Variants in SLC27A2 observed in about 807,000 individuals in gnomAD.
SLC27A2 encodes the protein solute carrier family 27 member 2.
In SLC27A2, 54 loss-of-function variants were observed where a neutral mutation model predicts 60.0. That is an observed-to-expected ratio of 0.90 (90% CI 0.72 to 1.13). The LOEUF is 1.13. SLC27A2 is among the 50% of genes most tolerant of loss of function. The pLI is 0.00. For synonymous variants in SLC27A2, 297 were observed against 297.6 expected (o/e 1.00, Z 0.02); for missense variants, 739 against 777.6 (o/e 0.95, Z 0.59).
At chr15:50,196,370 G>A (rs2045024089) in intron 1 of SLC27A2, among the ~76,000 whole-genome samples, 1 of 151,600 alleles carries the variant, frequency 6.6e-6, no homozygotes, top group African/African-American at 2.4e-5. Context: ...CATCTATTAG[G>A]AATAATTCCT....
At chr15:50,204,833 G>A (rs188991326) in intron 3 of SLC27A2, among the ~76,000 whole-genome samples, 1 of 146,014 alleles carries the variant, frequency 6.8e-6, no homozygotes, top group African/African-American at 2.6e-5. Flanking sequence ...ATATATGTAT[G>A]TGTGTGTATA....
intron 1 of SLC27A2, among the ~76,000 whole-genome samples, chr15:50,196,816 A>G (rs1044998730): frequency 3.9e-5 from 6 of 152,208 alleles, no homozygotes; most frequent in African/African-American, 1.4e-4. Flanking sequence ...AGATCAGTTT[A>G]ACCTTCCTAG....
intron 7 of SLC27A2, among the ~76,000 whole-genome samples, chr15:50,227,651 C>T (rs988964235): frequency 6.6e-6 from 1 of 152,166 alleles, no homozygotes; most frequent in South Asian, 2.1e-4. Context: ...CAGGTCAGCA[C>T]AAGGAAGTTT....
At chr15:50,220,025 C>T (rs553071695) in intron 4 of SLC27A2, among the ~76,000 whole-genome samples, 2 of 152,304 alleles carry the variant, frequency 1.3e-5, no homozygotes, top group East Asian at 3.9e-4. Flanking sequence ...TGAGCAAAAG[C>T]TTAGGTGAGA....
rs187507192 is a variant in SLC27A2 at position 50,198,800 on chromosome 15, A to G, written c.688+1091A>G. ...AGGTCTTCTCCTTGTTAAATAATCA[A>G]TAGACCAGGATAAAATTTCCTTGAG... On this transcript the variant is annotated intron_variant, in intron 2 of 9. Transcript: ENST00000267842. 6.0e-3 allele frequency among the ~76,000 whole-genome samples: 911 copies of G among 152,308 alleles called. 11 individuals carry two copies. Among genetic ancestry groups the G allele is most frequent in the African/African-American group, 0.021 (888 of 41,562 alleles).
At chr15:50,219,665 G>A (rs910352658) in intron 4 of SLC27A2, among the ~76,000 whole-genome samples, 3 of 152,064 alleles carry the variant, frequency 2.0e-5, no homozygotes, top group Non-Finnish European at 2.9e-5. Context: ...GTAATATGAG[G>A]CAAATACTTT....
At chr15:50,227,223 G>T (rs767394154) in intron 7 of SLC27A2, 45 bp downstream of exon 7, 2 of 1,504,574 alleles carry the variant, frequency 1.3e-6, no homozygotes, top group South Asian at 1.1e-5. Context: ...CACACGCACA[G>T]TTTGGCTTAC....
At chr15:50,231,441 A>G (rs1269238883) in intron 8 of SLC27A2, among the ~76,000 whole-genome samples, 4 of 152,062 alleles carry the variant, frequency 2.6e-5, no homozygotes, top group East Asian at 3.9e-4. Context: ...ATGAGCCACC[A>G]CGCCTAGCAA....
rs558121311 is a variant in SLC27A2 at position 50,229,192 on chromosome 15, T to C, written c.1555+150T>C. 6 of 584,348 alleles carry C rather than the reference T, an allele frequency of 1.0e-5. No individual in the cohort carries two copies. The East Asian group carries it at 1.7e-4, about 17-fold the overall frequency. The allele number at this position is 584,348 out of a possible 1,614,324, so 36.2% of individuals were successfully genotyped here. ...GAGTAAGGAGCTTATGTCTGGCTTA[T>C]GTTCCACTATAAAAGCCAACTCAGT... On this transcript the variant is annotated intron_variant, in intron 8 of 9. Coordinates refer to ENST00000267842, the MANE Select transcript of SLC27A2 (RefSeq NM_003645.4).
At chr15:50,228,266 A>G (rs2045290851) in intron 7 of SLC27A2, among the ~76,000 whole-genome samples, 1 of 150,874 alleles carries the variant, frequency 6.6e-6, no homozygotes, top group Admixed American at 6.6e-5. Context: ...AGTCCCAGCT[A>G]CTTGGGAGGC....
intron 4 of SLC27A2, among the ~76,000 whole-genome samples, chr15:50,206,660 A>G (rs1484341290): frequency 6.6e-6 from 1 of 152,114 alleles, no homozygotes; most frequent in East Asian, 1.9e-4. Context: ...GGTTTATGTG[A>G]TTATTGTCTG....
intron 4 of SLC27A2, among the ~76,000 whole-genome samples, chr15:50,216,058 A>T: frequency 6.6e-6 from 1 of 152,232 alleles, no homozygotes; most frequent in East Asian, 1.9e-4. Context: ...TTCACAATCT[A>T]TACACCTGAC....
At chr15:50,233,329 T>C (rs531728164) in intron 8 of SLC27A2, among the ~76,000 whole-genome samples, 28 of 152,330 alleles carry the variant, frequency 1.8e-4, no homozygotes, top group Middle Eastern at 3.4e-3. Context: ...CCAAGCTCAG[T>C]AAGTCATGCA....
In SLC27A2 at chr15:50,196,566, CAAGAT is replaced by C. The variant is rs947213898; in HGVS notation, c.479-930_479-926del. Reference sequence around the variant, plus strand: ...ATGCTTAGAGAGGTTAAGAACTTCTCAAGATAAGCGGTAGAACTGTCAGTAGAACT... The same window carrying C: ...ATGCTTAGAGAGGTTAAGAACTTCTCAAGCGGTAGAACTGTCAGTAGAACT... On this transcript the variant is annotated intron_variant, in intron 1 of 9. Transcript: ENST00000267842. Among the ~76,000 whole-genome samples the C allele has an allele frequency of 5.9e-5, 9 of 152,252 alleles. No homozygotes were observed. In the South Asian group the frequency reaches 6.2e-4, roughly 11 times the overall value.
chr15:50,199,320 A>G (rs2045046982), intron 2 of SLC27A2, among the ~76,000 whole-genome samples: 1 of 151,886 alleles, frequency 6.6e-6, no homozygotes, highest in East Asian at 1.9e-4. Context: ...TAAAAGTACA[A>G]AAAATTAGCC....
intron 8 of SLC27A2, among the ~76,000 whole-genome samples, chr15:50,232,595 C>T (rs945674334): frequency 6.6e-6 from 1 of 152,008 alleles, no homozygotes; most frequent in African/African-American, 2.4e-5. Flanking sequence ...GGGGCAGAGG[C>T]CTGAGACCTG....
intron 1 of SLC27A2, among the ~76,000 whole-genome samples, chr15:50,191,895 A>G (rs907704177): frequency 3.3e-5 from 5 of 152,112 alleles, no homozygotes; most frequent in African/African-American, 7.2e-5. Flanking sequence ...CCCCATCTCT[A>G]CTAAAAATAC....
chr15:50,207,752 T>C (rs1403595573), intron 4 of SLC27A2, among the ~76,000 whole-genome samples: 2 of 145,076 alleles, frequency 1.4e-5, no homozygotes, highest in African/African-American at 5.2e-5. Context: ...ATTGCACCAC[T>C]GCACTCAAGC....
chr15:50,213,288 GC>G (rs2045171121), intron 4 of SLC27A2, among the ~76,000 whole-genome samples: 1 of 152,148 alleles, frequency 6.6e-6, no homozygotes, highest in Non-Finnish European at 1.5e-5. Flanking sequence ...TAACACTGGA[GC>G]TCCCAAATTT....
Sources: allele counts gnomAD v4.1 joint callset (sites outside exome capture counted in the v4.1 genomes callset), GRCh38; gene constraint gnomAD v4.1.1; transcripts MANE v1.5; gene names NCBI Gene and HGNC (gene_info 2026-07-23, HGNC 2026-07-21).